Variants in CTNNA3 observed in about 807,000 individuals in gnomAD.
CTNNA3 encodes the protein catenin alpha-3.
Under a neutral mutation model 95.7 loss-of-function variants are expected in CTNNA3, and 76 were observed. The observed-to-expected ratio is 0.79, with a 90% CI of 0.66 to 0.96. The LOEUF (loss-of-function observed/expected upper bound fraction) is 0.96, where lower values mean the gene tolerates loss of function less well. Among genes scored for constraint, CTNNA3 ranks in the 40% least tolerant of loss-of-function variants. CTNNA3 has a pLI of 0.00. For missense variants in CTNNA3, 1,191 were observed against 1,089.8 expected, an observed-to-expected ratio of 1.09 and a Z score of -1.31; for synonymous variants, 431 against 374.4, an observed-to-expected ratio of 1.15 and a Z score of -1.74.
chr10:67,725,657 G>A (rs1000674670), intron 1 of CTNNA3, among the ~76,000 whole-genome samples: 1 of 151,776 alleles, frequency 6.6e-6, no homozygotes, highest in African/African-American at 2.4e-5. Flanking sequence ...AAAAAATAAA[G>A]AGATAGGGAT....
At chr10:67,051,425 C>T (rs942831053) in intron 7 of CTNNA3, among the ~76,000 whole-genome samples, 1 of 151,798 alleles carries the variant, frequency 6.6e-6, no homozygotes, top group Non-Finnish European at 1.5e-5. Context: ...GAAATGCTAT[C>T]TAATTTCCTT....
chr10:67,555,159 T>G (rs1173945054), intron 3 of CTNNA3, among the ~76,000 whole-genome samples: 1 of 152,214 alleles, frequency 6.6e-6, no homozygotes, highest in Non-Finnish European at 1.5e-5. Flanking sequence ...TTATGTAGTC[T>G]TGTAGTTCAG....
intron 5 of CTNNA3, among the ~76,000 whole-genome samples, chr10:67,224,899 A>G (rs1864822553): frequency 1.3e-5 from 2 of 152,170 alleles, no homozygotes; most frequent in African/African-American, 4.8e-5. Context: ...GGAGGGTGTG[A>G]ATCCAGCATG....
chr10:66,148,513 T>C (rs1345601004), intron 13 of CTNNA3, among the ~76,000 whole-genome samples: 2 of 152,042 alleles, frequency 1.3e-5, no homozygotes, highest in African/African-American at 4.8e-5. Flanking sequence ...CTTATCAAAG[T>C]GACTGAAGGA....
chr10:66,430,561 A>C (rs1001409661), intron 11 of CTNNA3, among the ~76,000 whole-genome samples: 12 of 152,226 alleles, frequency 7.9e-5, no homozygotes, highest in African/African-American at 2.9e-4. Flanking sequence ...AGATATACAG[A>C]CCAATGGAAC....
At chr10:65,968,205 C>T (rs1039331149) in intron 16 of CTNNA3, among the ~76,000 whole-genome samples, 1 of 151,808 alleles carries the variant, frequency 6.6e-6, no homozygotes, top group South Asian at 2.1e-4. Flanking sequence ...GCCTGGGGAA[C>T]ATAGGGAGAC....
chr10:67,045,933 G>A (rs920191503), intron 7 of CTNNA3, among the ~76,000 whole-genome samples: 8 of 152,162 alleles, frequency 5.3e-5, no homozygotes, highest in South Asian at 2.1e-4. Context: ...AGAACTTCTC[G>A]AGTAGGTCAG....
intron 13 of CTNNA3, among the ~76,000 whole-genome samples, chr10:66,255,441 A>G (rs1363398609): frequency 6.6e-6 from 1 of 152,088 alleles, no homozygotes; most frequent in Non-Finnish European, 1.5e-5. Flanking sequence ...ATATTCAGAG[A>G]CCCCATATGT....
chr10:67,097,915 AT>A lies in CTNNA3; in HGVS notation c.1047+82401del, dbSNP rs1589735592. ...ACAAAACACAAAATCCCCTGTTCAA[AT>A]AAACAAAAAATCCAAGATTGATTCA... On this transcript the variant is annotated intron_variant, in intron 7 of 17. Coordinates refer to ENST00000433211, the MANE Select transcript of CTNNA3 (RefSeq NM_013266.4). 8.3e-6 allele frequency: 7 copies of A among 838,414 alleles called. No homozygotes were observed. In the East Asian group the frequency reaches 1.9e-4, roughly 22 times the overall value. 51.9% of individuals were successfully genotyped at this position (838,414 alleles called of 1,614,324 possible).
At position 67,106,163 on chromosome 10, in the gene CTNNA3, A is replaced by G. The variant is rs533755696; in HGVS notation, c.1047+74154T>C. On this transcript the variant is annotated intron_variant, in intron 7 of 17. Transcript: ENST00000433211. ...ATGGGATAAAATGTGTGAACTTGAC[A>G]TGACACATTGGTACTACCACAGGGG... is the stretch of plus-strand genomic sequence containing the variant. Among the ~76,000 whole-genome samples the G allele has an allele frequency of 1.4e-3, 215 of 152,284 alleles. 1 individual carries two copies. Among genetic ancestry groups the G allele is most frequent in the African/African-American group, 5.1e-3 (210 of 41,564 alleles).
chr10:66,862,805 C>T (rs187220583), intron 7 of CTNNA3, among the ~76,000 whole-genome samples: 2 of 152,176 alleles, frequency 1.3e-5, no homozygotes, highest in Admixed American at 1.3e-4. Context: ...GGGTTACTGG[C>T]CGAGATTAAT....
At chr10:67,116,807 A>G (rs1481579942) in intron 7 of CTNNA3, among the ~76,000 whole-genome samples, 1 of 150,268 alleles carries the variant, frequency 6.7e-6, no homozygotes, top group African/African-American at 2.4e-5. Context: ...AGATAAGTAA[A>G]ATAAAAATTA....
At chr10:67,418,780 G>A (rs893951902) in intron 5 of CTNNA3, among the ~76,000 whole-genome samples, 16 of 152,030 alleles carry the variant, frequency 1.1e-4, no homozygotes, top group African/African-American at 3.1e-4. Context: ...TAGAAAATCC[G>A]TGCAAGGAAG....
chr10:66,905,025 A>G (rs1163001050), intron 7 of CTNNA3, among the ~76,000 whole-genome samples: 1 of 152,240 alleles, frequency 6.6e-6, no homozygotes, highest in African/African-American at 2.4e-5. Flanking sequence ...TACTGGGTAT[A>G]TACCCAAAGG....
At chr10:67,699,763 C>T (rs1841019684), upstream of CTNNA3, among the ~76,000 whole-genome samples, 1 of 152,172 alleles carries the variant, frequency 6.6e-6, no homozygotes, top group African/African-American at 2.4e-5. Flanking sequence ...GAGTGCCAGA[C>T]AGTGGGCGCA....
chr10:66,880,261 A>T (rs182486478), intron 7 of CTNNA3, among the ~76,000 whole-genome samples: 135 of 152,202 alleles, frequency 8.9e-4, no homozygotes, highest in African/African-American at 3.0e-3. Context: ...AGCTATAAGA[A>T]AAAAGTAGGT....
chr10:66,753,212 T>A (rs1240191497), intron 9 of CTNNA3, among the ~76,000 whole-genome samples: 1 of 152,180 alleles, frequency 6.6e-6, no homozygotes, highest in African/African-American at 2.4e-5. Flanking sequence ...AAATCACTAT[T>A]TTCCTATAAT....
rs984167349 is a variant in CTNNA3, at chr10:66,222,841, G to C, written c.1884+57629C>G. ...AAACGTTGCAGGTATTCATAAAGCA[G>C]CTGCTTAAAAATAAAACTAATTCTT... On this transcript the variant is annotated intron_variant, in intron 13 of 17. Transcript: ENST00000433211. Among the ~76,000 whole-genome samples the C allele has an allele frequency of 2.0e-5, 3 of 152,192 alleles. No individual in the cohort carries two copies. In the East Asian group the frequency reaches 5.8e-4, roughly 29 times the overall value.
At chr10:66,938,201 C>T (rs1212732102) in intron 7 of CTNNA3, among the ~76,000 whole-genome samples, 1 of 152,060 alleles carries the variant, frequency 6.6e-6, no homozygotes, top group Non-Finnish European at 1.5e-5. Context: ...CACTTTTTCA[C>T]TATGTACACT....
Sources: gnomAD v4.1 joint callset for allele counts (sites outside exome capture counted in the v4.1 genomes callset) on GRCh38, gnomAD v4.1.1 for gene constraint, MANE v1.5 for transcripts, NCBI Gene and HGNC (gene_info 2026-07-23, HGNC 2026-07-21) for gene names.